The following GPM6A variants were observed in gnomAD, a reference collection of about 807,000 sequenced individuals.
The protein encoded by GPM6A is neuronal membrane glycoprotein M6-a.
A neutral mutation model predicts 32.1 loss-of-function variants in GPM6A; 7 were observed. That is an observed-to-expected ratio of 0.22 (90% CI 0.12 to 0.41). GPM6A has a LOEUF of 0.41. GPM6A is among the 10% of genes least tolerant of loss of function. The pLI is 1.00. For missense variants in GPM6A, 235 were observed against 347.2 expected (o/e 0.68, Z 2.57); for synonymous variants, 130 against 123.4 (o/e 1.05, Z -0.35).
chr4:175,752,647 G>A (rs1216201377), intron 1 of GPM6A, among the ~76,000 whole-genome samples: 1 of 152,094 alleles, frequency 6.6e-6, no homozygotes, highest in Non-Finnish European at 1.5e-5. Flanking sequence ...ATCCACTTTT[G>A]ACACATAATA....
At chr4:175,726,733 T>C (rs1260358384) in intron 1 of GPM6A, among the ~76,000 whole-genome samples, 3 of 152,162 alleles carry the variant, frequency 2.0e-5, no homozygotes, top group African/African-American at 7.2e-5. Flanking sequence ...AAAAGGTTCA[T>C]ATCTTTAATC....
chr4:175,962,000 G>A (rs888896646), intron 1 of GPM6A: 1 of 566,870 alleles, frequency 1.8e-6, no homozygotes, highest in African/African-American at 1.9e-5. Context: ...TATATTAACA[G>A]GGGAGCACAA....
chr4:175,983,718 C>T (rs2126446844), intron 1 of GPM6A, among the ~76,000 whole-genome samples: 1 of 152,190 alleles, frequency 6.6e-6, no homozygotes, highest in African/African-American at 2.4e-5. Context: ...ATCTATGCTC[C>T]TGAGATATAT....
chr4:175,635,903 T>C (rs1740551649), intron 6 of GPM6A, among the ~76,000 whole-genome samples: 1 of 152,008 alleles, frequency 6.6e-6, no homozygotes, highest in Admixed American at 6.6e-5. Context: ...AATATTTTAA[T>C]CCAACATTCA....
intron 4 of GPM6A, among the ~76,000 whole-genome samples, chr4:175,647,352 T>G (rs992169560): frequency 8.5e-5 from 13 of 152,288 alleles, no homozygotes; most frequent in African/African-American, 3.1e-4. Flanking sequence ...TCCAATGTAA[T>G]TGAATCACAG....
chr4:175,787,323 C>T (rs1362184423), intron 1 of GPM6A: 3 of 1,500,218 alleles, frequency 2.0e-6, no homozygotes, highest in Non-Finnish European at 2.7e-6. Flanking sequence ...ACCAAAGTCA[C>T]CCTTGACCTT....
chr4:175,749,639 A>G (rs1448718819), intron 1 of GPM6A, among the ~76,000 whole-genome samples: 2 of 152,194 alleles, frequency 1.3e-5, no homozygotes, highest in African/African-American at 4.8e-5. Context: ...GAAGCAGGGT[A>G]TAACTTTATA....
At chr4:175,709,836 T>C (rs1240223841) in intron 1 of GPM6A, among the ~76,000 whole-genome samples, 1 of 152,098 alleles carries the variant, frequency 6.6e-6, no homozygotes, top group Non-Finnish European at 1.5e-5. Context: ...CTTCCCATTA[T>C]AGCCATTCAG....
upstream of GPM6A, chr4:175,813,079 A>C: frequency 1.0e-6 from 1 of 983,434 alleles, no homozygotes; most frequent in Non-Finnish European, 1.2e-6. Flanking sequence ...ACTCTTAAGT[A>C]AAAGGGAGAA....
At chr4:175,900,246 C>A (rs186878174) in intron 1 of GPM6A, among the ~76,000 whole-genome samples, 62 of 143,284 alleles carry the variant, frequency 4.3e-4, no homozygotes, top group Admixed American at 1.5e-3. Flanking sequence ...GCACTCCAGT[C>A]TGGGTGACAA....
Position 175,633,617 on chromosome 4 carries a change from A to C in GPM6A, c.*1288T>G, listed in dbSNP as rs1186505959. 4 of 152,548 alleles carry C rather than the reference A, an allele frequency of 2.6e-5. No individual in the cohort carries two copies. The highest frequency in any genetic ancestry group is 9.6e-5 in the African/African-American group (4 of 41,466). The allele number at this position is 152,548 out of a possible 1,614,324, so 9.4% of individuals were successfully genotyped here. ...CATTCTTGTAGCATTAGAAATAATG[A>C]AAAGAAGAGCGTCAAGGTGAAAACA... On this transcript the variant is annotated 3_prime_UTR_variant, in exon 7 of 7. Coordinates refer to ENST00000393658, the MANE Select transcript of GPM6A (RefSeq NM_201591.3).
intron 1 of GPM6A, among the ~76,000 whole-genome samples, chr4:175,931,715 T>C (rs779267990): frequency 1.3e-4 from 20 of 149,920 alleles, no homozygotes; most frequent in East Asian, 5.9e-4. Context: ...CACACATATA[T>C]ATATATATAT....
chr4:175,653,017 A>G (rs866560938), intron 3 of GPM6A, among the ~76,000 whole-genome samples: 7 of 152,058 alleles, frequency 4.6e-5, no homozygotes, highest in Non-Finnish European at 1.0e-4. Flanking sequence ...ATGAAACTAG[A>G]CCTCTTATTC....
chr4:175,793,586 G>C (rs1254321987), intron 1 of GPM6A, among the ~76,000 whole-genome samples: 1 of 152,022 alleles, frequency 6.6e-6, no homozygotes, highest in Non-Finnish European at 1.5e-5. Context: ...ATGTTGGCCA[G>C]GCTGGTCTCA....
At chr4:175,711,053 T>C (rs1180341818) in intron 1 of GPM6A, among the ~76,000 whole-genome samples, 3 of 152,278 alleles carry the variant, frequency 2.0e-5, no homozygotes, top group East Asian at 3.9e-4. Context: ...TATTGTTGGC[T>C]TCTGAGGGTT....
intron 3 of GPM6A, among the ~76,000 whole-genome samples, chr4:175,667,533 AGG>A (rs1349302815): frequency 5.9e-5 from 9 of 152,202 alleles, no homozygotes; most frequent in African/African-American, 2.2e-4. Flanking sequence ...ACAAAAACTA[AGG>A]AAATCAGAAA....
chr4:175,757,701 G>A (rs971931840), intron 1 of GPM6A, among the ~76,000 whole-genome samples: 20 of 151,968 alleles, frequency 1.3e-4, no homozygotes, highest in African/African-American at 4.6e-4. Context: ...AAAGTTCAAG[G>A]AAAAAGACAT....
At chr4:175,777,605 A>T (rs1287710885) in intron 1 of GPM6A, among the ~76,000 whole-genome samples, 1 of 152,110 alleles carries the variant, frequency 6.6e-6, no homozygotes, top group Non-Finnish European at 1.5e-5. Context: ...ATATGGGATT[A>T]GCCTTTATAT....
Position 175,634,615 on chromosome 4 carries a change from C to T in GPM6A, c.*290G>A. The stretch of plus-strand genomic sequence containing the variant: ...TGGTTAAAAATCAAACAAATCTTTG[C>T]ATTTGACAATGTTAGTATCTTTGAT... On this transcript the variant is annotated 3_prime_UTR_variant, in exon 7 of 7. Transcript: ENST00000393658. 3.6e-6 allele frequency: 1 copy of T among 280,154 alleles called. No individual in the cohort carries two copies. Among genetic ancestry groups the T allele is most frequent in the Non-Finnish European group, 6.6e-6 (1 of 150,786 alleles). 17.4% of individuals were successfully genotyped at this position (280,154 alleles called of 1,614,324 possible). A position where few individuals can be genotyped will look rare whatever the true frequency, so the allele number is the denominator to read the frequency against.
Sources: allele counts gnomAD v4.1 joint callset (sites outside exome capture counted in the v4.1 genomes callset), GRCh38; gene constraint gnomAD v4.1.1; transcripts MANE v1.5; gene names NCBI Gene and HGNC (gene_info 2026-07-23, HGNC 2026-07-21).